Variants in AQR observed in about 807,000 individuals in gnomAD.
The protein encoded by AQR is RNA helicase aquarius.
A neutral mutation model predicts 180.5 loss-of-function variants in AQR; 61 were observed. That is an observed-to-expected ratio of 0.34 (90% CI 0.28 to 0.42). The LOEUF (loss-of-function observed/expected upper bound fraction) is 0.42. Among genes scored for constraint, AQR ranks in the 10% least tolerant of loss-of-function variants. AQR has a pLI of 1.00. For missense variants in AQR, 1,281 were observed against 1,798.3 expected (o/e 0.71, Z 5.20); for synonymous variants, 551 against 588.8 (o/e 0.94, Z 0.93).
chr15:34,890,377 A>T (rs1367501969), intron 23 of AQR, 53 bp from the exon 24 acceptor site: 22 of 1,441,684 alleles, frequency 1.5e-5, no homozygotes, highest in Non-Finnish European at 2.0e-5. Context: ...GCAAAAACTA[A>T]CATTTAGAAA....
chr15:34,920,293 G>A, intron 14 of AQR, 39 bp downstream of exon 14: 4 of 1,482,606 alleles, frequency 2.7e-6, no homozygotes, highest in Non-Finnish European at 3.7e-6. Flanking sequence ...AAAAGGCAAG[G>A]AAAACCACAT....
intron 24 of AQR, 54 bp downstream of exon 24, chr15:34,890,161 G>C (rs1893121483): frequency 6.9e-7 from 1 of 1,447,312 alleles, no homozygotes; most frequent in East Asian, 2.3e-5. Flanking sequence ...TAAAAGAAAT[G>C]AAAAGAAAAT....
chr15:34,943,062 G>C lies in AQR; in HGVS notation c.472-982C>G, dbSNP rs542452319. 1.9e-6 allele frequency: 3 copies of C among 1,609,468 alleles called. No individual in the cohort carries two copies. The South Asian group carries it at 3.3e-5, about 18-fold the overall frequency. On this transcript the variant is annotated intron_variant, in intron 6 of 34. Coordinates refer to ENST00000156471, the MANE Select transcript of AQR (RefSeq NM_014691.3). The stretch of plus-strand genomic sequence containing the variant: ...AAATGTTAAAGAGGCTTTCTGTGCC[G>C]ATAACGCTCACGCAAGCATGGTTAA...
At chr15:34,874,929 C>T (rs941430582) in intron 28 of AQR, 65 bp from the exon 29 acceptor site, 13 of 1,439,744 alleles carry the variant, frequency 9.0e-6, no homozygotes, top group South Asian at 2.5e-5. Context: ...ATTTATTACC[C>T]GAGAGACTCA....
chr15:34,877,031 A>G (rs1029371329), intron 27 of AQR, among the ~76,000 whole-genome samples: 1 of 152,180 alleles, frequency 6.6e-6, no homozygotes, highest in Non-Finnish European at 1.5e-5. Flanking sequence ...TTATATCTGT[A>G]TATTTACTTG....
chr15:34,856,850 G>A lies in AQR; in HGVS notation c.4400C>T (p.Ala1467Val), dbSNP rs1161269466. The change falls in exon 35 of 35, where the codon GCA (alanine) becomes GTA (valine). Residue 1467 changes from alanine (A) to valine (V), a missense_variant. Physicochemically the swap from Ala to Val is moderately conservative, Grantham distance 64. Around this residue, in one of 9 missense-constraint regions of AQR, gnomAD observed 182 missense variants for 185.3 expected, o/e 0.98. Coordinates refer to ENST00000156471, the MANE Select transcript of AQR (RefSeq NM_014691.3). ...CTGAGGTGTGTTAGCTTCTGCCGGT[G>A]CAGATACAGCTCCTACCACAGTAGG... The part of the protein sequence containing the change: ...TTPTVVGAVS[A>V]PAEANTPQDA... The A allele has an allele frequency of 6.2e-7, 1 of 1,608,350 alleles. No homozygotes were observed. The highest frequency in any genetic ancestry group is 1.1e-5 in the South Asian group (1 of 90,024).
At chr15:34,928,027 T>C (rs776424657) in intron 12 of AQR, among the ~76,000 whole-genome samples, 1 of 152,126 alleles carries the variant, frequency 6.6e-6, no homozygotes, top group African/African-American at 2.4e-5. Context: ...GTCAATACAA[T>C]AGACCACATG....
At chr15:34,871,746 A>G (rs16959984) in intron 30 of AQR, among the ~76,000 whole-genome samples, 4,111 of 152,048 alleles carry the variant, frequency 0.027, 193 homozygotes, top group African/African-American at 0.093. Context: ...CACTTCTACT[A>G]GATCACTTTA....
Position 34,900,618 on chromosome 15 carries a change from T to C in AQR, c.2243+4A>G. The C allele has an allele frequency of 1.2e-6, 2 of 1,613,050 alleles. No homozygotes were observed. The highest frequency in any genetic ancestry group is 1.7e-6 in the Non-Finnish European group (2 of 1,179,466). ...GAGAGGAGCGTACCCAGTTCTGACT[T>C]TACCTGAAAGGGGGTATTTGTAGAG... is the stretch of plus-strand genomic sequence containing the variant. On this transcript the variant is annotated splice_donor_region_variant and intron_variant, in intron 20 of 34. Transcript: ENST00000156471.
Position 34,896,902 on chromosome 15 carries a change from T to C in AQR, c.2455A>G (p.Thr819Ala). The change falls in exon 22 of 35, where the codon ACT (threonine) becomes GCT (alanine). Residue 819 changes from threonine (T) to alanine (A), a missense_variant. By Grantham distance (58) the Thr-to-Ala change is moderately conservative. Around this residue, in one of 9 missense-constraint regions of AQR, gnomAD observed 112 missense variants for 128.6 expected, o/e 0.87. Transcript: ENST00000156471. ...AIRAGMQPGL[T>A]MVVGPPGTGK... ...AGGTGTAACAATTCTCTTACCATAG[T>C]CAGCCCAGGCTGCATTCCAGCACGG... 1 of 1,610,662 alleles carries C rather than the reference T, an allele frequency of 6.2e-7. No homozygotes were observed. The highest frequency in any genetic ancestry group is 8.5e-7 in the Non-Finnish European group (1 of 1,176,800).
At chr15:34,956,774 G>T (rs1035417440) in intron 3 of AQR, among the ~76,000 whole-genome samples, 3 of 149,974 alleles carry the variant, frequency 2.0e-5, no homozygotes, top group African/African-American at 7.4e-5. Flanking sequence ...GAAACATCTT[G>T]GGCAAGTTAT....
At chr15:34,878,761 T>C (rs1166743464) in intron 27 of AQR, among the ~76,000 whole-genome samples, 2 of 152,196 alleles carry the variant, frequency 1.3e-5, no homozygotes, top group African/African-American at 4.8e-5. Flanking sequence ...CTGGGTGCAG[T>C]TGCTCATGCC....
rs547235585 is a variant in AQR, at chr15:34,858,204, G to A, written c.4144-1098C>T. On this transcript the variant is annotated intron_variant, in intron 34 of 34. Transcript: ENST00000156471. ...TCACCATGTTGGCCAGGCTGGTCTCGAACTCCTGACCGCAGGTGATCCACC... is the reference window on the plus strand; with the variant it reads ...TCACCATGTTGGCCAGGCTGGTCTCAAACTCCTGACCGCAGGTGATCCACC... 2.0e-4 allele frequency among the ~76,000 whole-genome samples: 30 copies of A among 150,974 alleles called. No homozygotes were observed. The East Asian group carries it at 5.3e-3, about 27-fold the overall frequency.
intron 23 of AQR, among the ~76,000 whole-genome samples, 162 bp downstream of exon 23, chr15:34,893,501 G>C (rs1893181216): frequency 6.6e-6 from 1 of 152,054 alleles, no homozygotes; most frequent in Admixed American, 6.5e-5. Context: ...GAAAAATGGA[G>C]AACAAAGAAT....
At chr15:34,937,195 G>A (rs146903278) in intron 9 of AQR, among the ~76,000 whole-genome samples, 2,782 of 152,076 alleles carry the variant, frequency 0.018, 78 homozygotes, top group African/African-American at 0.059. Context: ...CTGCCACTGC[G>A]CCTGGCTAAT....
At chr15:34,926,433 T>C (rs780157677) in intron 13 of AQR, among the ~76,000 whole-genome samples, 9 of 152,192 alleles carry the variant, frequency 5.9e-5, no homozygotes, top group Non-Finnish European at 1.0e-4. Flanking sequence ...CGGGTTTAAA[T>C]TGTATCTCTG....
At chr15:34,895,989 A>C (rs936102973) in intron 22 of AQR, among the ~76,000 whole-genome samples, 3 of 152,216 alleles carry the variant, frequency 2.0e-5, no homozygotes, top group African/African-American at 7.2e-5. Context: ...AAAAGCAAAA[A>C]CCAAAAAATT....
chr15:34,930,405 G>A, intron 11 of AQR, 34 bp from the exon 12 acceptor site: 1 of 1,207,182 alleles, frequency 8.3e-7, no homozygotes, highest in Non-Finnish European at 1.2e-6. Flanking sequence ...TAAATCATAT[G>A]AACATAAGGG....
In AQR at chr15:34,851,973, T is replaced by C. The variant is rs998233254; in HGVS notation, c.*4819A>G. The C allele has an allele frequency of 6.6e-6, 1 of 152,192 alleles. No individual in the cohort carries two copies. Among genetic ancestry groups the C allele is most frequent in the Non-Finnish European group, 1.5e-5 (1 of 68,024 alleles). The allele number at this position is 152,192 out of a possible 1,614,324, so 9.4% of individuals were successfully genotyped here. A position where few individuals can be genotyped will look rare whatever the true frequency, so the allele number is the denominator to read the frequency against. Reference sequence around the variant, plus strand: ...TGCATTTTCAGGATGTTGCGATTAATACCACATGACACTCAATAAATTACA... The same window carrying C: ...TGCATTTTCAGGATGTTGCGATTAACACCACATGACACTCAATAAATTACA... On this transcript the variant is annotated 3_prime_UTR_variant, in exon 35 of 35. Transcript: ENST00000156471.
Sources: gnomAD v4.1 joint callset for allele counts (sites outside exome capture counted in the v4.1 genomes callset) on GRCh38, gnomAD v4.1.1 for gene constraint, gnomAD v4.1.1 regional missense constraint, MANE v1.5 for transcripts, NCBI Gene and HGNC (gene_info 2026-07-23, HGNC 2026-07-21) for gene names.